Variants in LILRA6 observed in about 807,000 individuals in gnomAD.
The protein encoded by LILRA6 is leukocyte immunoglobulin-like receptor subfamily A member 6.
Under a neutral mutation model 53.9 loss-of-function variants are expected in LILRA6, and 16 were observed. The ratio of observed to expected loss-of-function variants is 0.30; its 90% CI spans 0.20 to 0.45. LILRA6 has a LOEUF of 0.45. LILRA6 is among the 20% of genes least tolerant of loss of function. LILRA6 has a pLI of 1.00. For synonymous variants in LILRA6, 135 were observed against 256.4 expected, an observed-to-expected ratio of 0.53 and a Z score of 4.52; for missense variants, 306 against 618.6, an observed-to-expected ratio of 0.49 and a Z score of 5.36.
chr19:54,239,467 T>TGAA, intron 7 of LILRA6: 2 of 623,490 alleles, frequency 3.2e-6, no homozygotes, highest in Admixed American at 6.7e-5. Context: ...TCCTGAGCCA[T>TGAA]TTCCTCCCTC....
chr19:54,238,532 A>G, downstream of LILRA6: 2 of 197,668 alleles, frequency 1.0e-5, no homozygotes, highest in Non-Finnish European at 1.0e-5. Context: ...GATAGTCCAG[A>G]AAGCATAGGC....
At chr19:54,239,359 G>T in intron 7 of LILRA6, 1 of 966,644 alleles carries the variant, frequency 1.0e-6, no homozygotes, top group Non-Finnish European at 1.5e-6. Flanking sequence ...CTTTTACGGA[G>T]TTCCTCAATA....
At chr19:54,239,217 T>G in intron 7 of LILRA6, 128 bp from the exon 8 acceptor site, 3 of 1,556,664 alleles carry the variant, frequency 1.9e-6, no homozygotes, top group Non-Finnish European at 1.7e-6. Context: ...GCCCGCCCCA[T>G]AACTGTCTGA....
At chr19:54,237,335 C>T (rs2078652455), downstream of LILRA6, 1 of 150,854 alleles carries the variant, frequency 6.6e-6, no homozygotes, top group Admixed American at 6.6e-5. Context: ...TGCACGCCAG[C>T]TGGGCGACAG....
intron 7 of LILRA6, 147 bp from the exon 8 acceptor site, chr19:54,239,236 G>T: frequency 1.3e-6 from 2 of 1,539,894 alleles, no homozygotes; most frequent in Non-Finnish European, 1.7e-6. Flanking sequence ...GACTTGTTTT[G>T]TGATGGGGTG....
chr19:54,238,014 CTTCT>C (rs1440801773), downstream of LILRA6: 1 of 139,508 alleles, frequency 7.2e-6, no homozygotes, highest in African/African-American at 3.0e-5. Context: ...CTGTGTGTCT[CTTCT>C]TTTTTTTTTT....
chr19:54,239,078 T>G (rs756204182), exon 8 of LILRA6: 13 of 1,611,146 alleles, frequency 8.1e-6, no homozygotes, highest in South Asian at 3.3e-5. Context: ...GTGTAATCCT[T>G]GGCGTGTGAG....
downstream of LILRA6, chr19:54,237,858 A>T (rs941747716): frequency 3.3e-5 from 5 of 150,742 alleles, no homozygotes; most frequent in Middle Eastern, 3.4e-3. Context: ...GTGGAATTGA[A>T]CCACATATGT....
chr19:54,237,556 G>T (rs1423411275), downstream of LILRA6: 2 of 151,082 alleles, frequency 1.3e-5, no homozygotes, highest in African/African-American at 5.0e-5. Context: ...ATGAAAGTCA[G>T]CGTTCCAGTG....
At chr19:54,239,525 A>G in intron 7 of LILRA6, 1 of 714,908 alleles carries the variant, frequency 1.4e-6, no homozygotes, top group Non-Finnish European at 2.3e-6. Flanking sequence ...CTAGTGTCCC[A>G]GAGCTCTCCT....
Position 54,242,774 on chromosome 19 carries a change from G to A in LILRA6, c.-23C>T, listed in dbSNP as rs372489993. ...CATGGCGTCTCCTCCTGGTGACCCC[G>A]GGCTCTGCAGAGGGATGAGCCCTCA... On this transcript the variant is annotated 5_prime_UTR_variant, in exon 1 of 8. Transcript: ENST00000396365. 1.2e-5 allele frequency: 13 copies of A among 1,054,016 alleles called. 5 individuals are homozygous for A. The highest frequency in any genetic ancestry group is 7.5e-5 in the East Asian group (3 of 40,170). The allele number at this position is 1,054,016 out of a possible 1,614,324, so 65.3% of individuals were successfully genotyped here. A position where few individuals can be genotyped will look rare whatever the true frequency, so the allele number is the denominator to read the frequency against.
At position 54,241,996 on chromosome 19, in the gene LILRA6, T is replaced by G. The variant is rs752764797; in HGVS notation, c.355+30A>C. 35 of 1,381,280 alleles carry G rather than the reference T, an allele frequency of 2.5e-5. 9 individuals are homozygous for G. The allele number at this position is 1,381,280 out of a possible 1,614,324, so 85.6% of individuals were successfully genotyped here. A position where few individuals can be genotyped will look rare whatever the true frequency, so the allele number is the denominator to read the frequency against. On this transcript the variant is annotated intron_variant, in intron 3 of 7. Transcript: ENST00000396365. ...CGACCCCCTTCCTGAGGGCAGAGCC[T>G]GGGGCTGGGACCCCAGAGTGTCCTC...
chr19:54,240,703 C>T, intron 5 of LILRA6, 127 bp from the exon 6 acceptor site: 4 of 1,573,032 alleles, frequency 2.5e-6, no homozygotes, highest in Non-Finnish European at 3.4e-6. Flanking sequence ...CCCCGCCCAT[C>T]CCCTGTCTCT....
chr19:54,238,942 C>T (rs1361361217), exon 8 of LILRA6: 8 of 1,610,028 alleles, frequency 5.0e-6, no homozygotes, highest in Non-Finnish European at 6.8e-6. Flanking sequence ...GTGCATTGTC[C>T]TCTCCGCTGT....
At chr19:54,239,289 C>T in intron 7 of LILRA6, 200 bp from the exon 8 acceptor site, 2 of 1,464,230 alleles carry the variant, frequency 1.4e-6, no homozygotes, top group Middle Eastern at 2.2e-4. Context: ...AAGGGGAGAG[C>T]CCTGAGCCAG....
chr19:54,239,165 A>AG, intron 7 of LILRA6, 76 bp from the exon 8 acceptor site: 1 of 1,597,520 alleles, frequency 6.3e-7, no homozygotes, highest in Non-Finnish European at 8.5e-7. Context: ...TGCCCAACCC[A>AG]GGGCACCCCC....
chr19:54,236,667 A>G (rs897982260), downstream of LILRA6: 6 of 151,088 alleles, frequency 4.0e-5, no homozygotes, highest in Non-Finnish European at 8.8e-5. Flanking sequence ...CCATCAATGG[A>G]TGAATGGATA....
At position 54,240,769 on chromosome 19, in the gene LILRA6, G is replaced by A. The variant is rs1363442390; in HGVS notation, c.955+62C>T. 10 of 1,604,932 alleles carry A rather than the reference G, an allele frequency of 6.2e-6. No homozygotes were observed. In the Admixed American group the frequency reaches 8.4e-5, roughly 13 times the overall value. ...CCCTCATCCCGGCCATCACCACCTGGGCTCCCCCGGCAGGGCCTGTGCAGA... is the reference window on the plus strand; with the variant it reads ...CCCTCATCCCGGCCATCACCACCTGAGCTCCCCCGGCAGGGCCTGTGCAGA... On this transcript the variant is annotated intron_variant, in intron 5 of 7. Coordinates refer to ENST00000396365, the Ensembl canonical transcript of LILRA6.
At chr19:54,239,255 A>T in intron 7 of LILRA6, 166 bp from the exon 8 acceptor site, 1 of 1,520,772 alleles carries the variant, frequency 6.6e-7, no homozygotes, top group African/African-American at 1.4e-5. Flanking sequence ...TGAGGGTCTC[A>T]GCTCCTCCTG....
Sources: allele counts gnomAD v4.1 joint callset, GRCh38; gene constraint gnomAD v4.1.1; transcripts MANE v1.5; gene names NCBI Gene and HGNC (gene_info 2026-07-23, HGNC 2026-07-21).